CDC42BPG: variants seen among roughly 807,000 people sequenced by gnomAD.
CDC42BPG encodes serine/threonine-protein kinase MRCK gamma.
A neutral mutation model predicts 192.2 loss-of-function variants in CDC42BPG; 157 were observed. That is an observed-to-expected ratio of 0.82 (90% CI 0.72 to 0.93). CDC42BPG has a LOEUF of 0.93. Among genes scored for constraint, CDC42BPG ranks in the 40% least tolerant of loss-of-function variants. The probability of loss-of-function intolerance (pLI) is 0.00; values close to 1 mark genes in which losing one functional copy is unlikely to be tolerated. For synonymous variants in CDC42BPG, 981 were observed against 918.5 expected, an observed-to-expected ratio of 1.07 and a Z score of -1.23; for missense variants, 1,992 against 2,122.1, an observed-to-expected ratio of 0.94 and a Z score of 1.20.
chr11:64,824,346 C>A lies in CDC42BPG; in HGVS notation c.*127G>T. 2 of 789,690 alleles carry A rather than the reference C, an allele frequency of 2.5e-6. No homozygotes were observed. Among genetic ancestry groups the A allele is most frequent in the South Asian group, 2.8e-5 (2 of 72,542 alleles). 48.9% of individuals were successfully genotyped at this position (789,690 alleles called of 1,614,324 possible). A position where few individuals can be genotyped will look rare whatever the true frequency, so the allele number is the denominator to read the frequency against. On this transcript the variant is annotated 3_prime_UTR_variant, in exon 37 of 37. Coordinates refer to ENST00000342711, the MANE Select transcript of CDC42BPG (RefSeq NM_017525.3). ...ACCCAGGCAAGTCTCCCAGTCATTG[C>A]CCAGCCCGGGTCCTCCCTGAGTCCG...
At chr11:64,834,002 GC>G (rs2136305365) in intron 20 of CDC42BPG, 25 bp from the exon 21 acceptor site, 1 of 1,614,150 alleles carries the variant, frequency 6.2e-7, no homozygotes, top group African/African-American at 1.3e-5. Flanking sequence ...TGGGTCACTG[GC>G]CTGGGGTCCC....
In CDC42BPG at chr11:64,838,112, T is replaced by G; in HGVS notation, c.1176A>C (p.Pro392=). The change falls in exon 9 of 37, where the codon CCA becomes CCC. Residue 392 remains proline (P), a synonymous_variant. Transcript: ENST00000342711. ...CTGAGGTGTAGGTGAAGCCCACGAA[T>G]GGCAGGTGATGGCCGGAGAAGGCCC... ...SHGAFSGHHL[P]FVGFTYTSGS... is the part of the protein sequence containing the mutation. The G allele has an allele frequency of 6.4e-7, 1 of 1,553,032 alleles. No individual in the cohort carries two copies. Among genetic ancestry groups the G allele is most frequent in the Non-Finnish European group, 8.7e-7 (1 of 1,148,592 alleles).
rs772562060 is a variant in CDC42BPG at position 64,840,102 on chromosome 11, G to A, written c.581+18C>T. Reference sequence around the variant, plus strand: ...CAGGGCAGCGGGGTTGGGCAGGGCAGCGGGGTTGGGGCCCCACCTGTGGAC... The same window carrying A: ...CAGGGCAGCGGGGTTGGGCAGGGCAACGGGGTTGGGGCCCCACCTGTGGAC... On this transcript the variant is annotated intron_variant, in intron 5 of 36. Coordinates refer to ENST00000342711, the MANE Select transcript of CDC42BPG (RefSeq NM_017525.3). The A allele has an allele frequency of 6.2e-7, 1 of 1,606,068 alleles. No homozygotes were observed. The highest frequency in any genetic ancestry group is 8.5e-7 in the Non-Finnish European group (1 of 1,176,480).
intron 3 of CDC42BPG, among the ~76,000 whole-genome samples, chr11:64,841,014 C>G (rs191452362): frequency 1.3e-5 from 2 of 151,502 alleles, no homozygotes; most frequent in African/African-American, 2.4e-5. Flanking sequence ...AGCTGGGTGT[C>G]GTGGCACACG....
At position 64,833,697 on chromosome 11, in the gene CDC42BPG, G is replaced by A. The variant is rs763357281; in HGVS notation, c.2566-38C>T. The A allele has an allele frequency of 1.9e-6, 3 of 1,613,036 alleles. No homozygotes were observed. The South Asian group carries it at 3.3e-5, about 18-fold the overall frequency. The stretch of plus-strand genomic sequence containing the variant: ...GGGGGAGCAGGTGAGACGGGCAAGG[G>A]CGGGGCCCAGGCCCCCTACGATGGA... On this transcript the variant is annotated intron_variant, in intron 22 of 36. Transcript: ENST00000342711.
intron 1 of CDC42BPG, among the ~76,000 whole-genome samples, chr11:64,842,232 G>A (rs1338191928): frequency 6.6e-6 from 1 of 152,148 alleles, no homozygotes; most frequent in Non-Finnish European, 1.5e-5. Flanking sequence ...GCTTGGCCAG[G>A]TCACCCTGGG....
rs1378459088 is a variant in CDC42BPG, at chr11:64,826,812, G to A, written c.4390-18C>T. ...TCGGGAGCCTGTTGGGTGACAGTGC[G>A]GAGGGGCTGGGACTAGCAGGCACAA... On this transcript the variant is annotated intron_variant, in intron 34 of 36. Coordinates refer to ENST00000342711, the MANE Select transcript of CDC42BPG (RefSeq NM_017525.3). 1.3e-6 allele frequency: 2 copies of A among 1,481,638 alleles called. No individual in the cohort carries two copies. The highest frequency in any genetic ancestry group is 1.4e-5 in the African/African-American group (1 of 71,090). The allele number at this position is 1,481,638 out of a possible 1,614,324, so 91.8% of individuals were successfully genotyped here.
At chr11:64,837,146 C>T in intron 9 of CDC42BPG, 127 bp from the exon 10 acceptor site, 1 of 804,190 alleles carries the variant, frequency 1.2e-6, no homozygotes, top group Admixed American at 2.2e-5. Context: ...CGGGAGACCC[C>T]AGACTGGTGC....
At chr11:64,836,876 C>G in intron 10 of CDC42BPG, 46 bp downstream of exon 10, 1 of 1,609,746 alleles carries the variant, frequency 6.2e-7, no homozygotes, top group Non-Finnish European at 8.5e-7. Flanking sequence ...GCAGCAGCAG[C>G]CCCTAGGGCC....
chr11:64,826,164 C>T (rs1299107978), intron 36 of CDC42BPG, among the ~76,000 whole-genome samples: 1 of 152,078 alleles, frequency 6.6e-6, no homozygotes, highest in Non-Finnish European at 1.5e-5. Context: ...ATCATCAGCT[C>T]ATGCAGGCCT....
At chr11:64,842,244 A>T (rs759018596) in intron 1 of CDC42BPG, among the ~76,000 whole-genome samples, 2 of 152,168 alleles carry the variant, frequency 1.3e-5, no homozygotes, top group Non-Finnish European at 2.9e-5. Context: ...CACCCTGGGG[A>T]CCATGGGGAC....
rs1323385061 is a variant in CDC42BPG, at chr11:64,833,137, G to A, written c.2731+94C>T. The A allele has an allele frequency of 3.6e-5, 45 of 1,251,806 alleles. No individual in the cohort carries two copies. In the Middle Eastern group the frequency reaches 7.6e-4, roughly 21 times the overall value. The allele number at this position is 1,251,806 out of a possible 1,614,324, so 77.5% of individuals were successfully genotyped here. ...GAGCAGGAGGAAATTTGACCAGCAG[G>A]TGCCAGTGACCCTGGGATGGGAGAA... is the stretch of plus-strand genomic sequence containing the variant. On this transcript the variant is annotated intron_variant, in intron 24 of 36. Coordinates refer to ENST00000342711, the MANE Select transcript of CDC42BPG (RefSeq NM_017525.3).
rs1464584076 is a variant in CDC42BPG, at chr11:64,834,464, C to T, written c.2289G>A (p.Leu763=). ...IRAKQGLQER[L]TQVQEAQLQA... ...GCAGCTGGGCCTCCTGCACCTGTGT[C>T]AGCCGCTCCTGCAGGCCCTGCTTGG... is the stretch of plus-strand genomic sequence containing the variant. Residue 763 remains leucine, a synonymous_variant, in exon 19 of 37, where the codon CTG becomes CTA. Coordinates refer to ENST00000342711, the MANE Select transcript of CDC42BPG (RefSeq NM_017525.3). The T allele has an allele frequency of 9.6e-6, 15 of 1,569,696 alleles. No homozygotes were observed. Among genetic ancestry groups the T allele is most frequent in the Admixed American group, 1.8e-5 (1 of 56,542 alleles).
intron 3 of CDC42BPG, 24 bp from the exon 4 acceptor site, chr11:64,840,672 G>A (rs1214970994): frequency 1.2e-6 from 2 of 1,608,460 alleles, no homozygotes; most frequent in Non-Finnish European, 1.7e-6. Context: ...GGGGAAGTAA[G>A]GGGTGGGGTG....
At chr11:64,833,709 C>A in intron 22 of CDC42BPG, 29 bp downstream of exon 22, 1 of 1,613,444 alleles carries the variant, frequency 6.2e-7, no homozygotes, top group Non-Finnish European at 8.5e-7. Flanking sequence ...GGGGCCCAGG[C>A]CCCCTACGAT....
rs868486993 is a variant in CDC42BPG at position 64,836,718 on chromosome 11, G to C, written c.1384+21C>G. On this transcript the variant is annotated intron_variant, in intron 11 of 36. Coordinates refer to ENST00000342711, the MANE Select transcript of CDC42BPG (RefSeq NM_017525.3). ...TGGGACTCAGCCCTGGGGGGGGGGG[G>C]GGGGTGGGCGGAAGGGATACCTGGC... 104 of 849,620 alleles carry C rather than the reference G, an allele frequency of 1.2e-4. 15 individuals are homozygous for C. The highest frequency in any genetic ancestry group is 6.3e-4 in the African/African-American group (32 of 51,082). The allele number at this position is 849,620 out of a possible 1,614,324, so 52.6% of individuals were successfully genotyped here.
chr11:64,833,270 G>T lies in CDC42BPG; in HGVS notation c.2692C>A (p.Leu898Met). Residue 898 changes from leucine to methionine, a missense_variant, in exon 24 of 37, where the codon CTG (leucine) becomes ATG (methionine). Leu to Met is a conservative substitution (Grantham distance 15). This residue lies in a region of CDC42BPG where 1,656 missense variants were observed against 1,844.3 expected (regional missense o/e 0.90). Coordinates refer to ENST00000342711, the MANE Select transcript of CDC42BPG (RefSeq NM_017525.3). ...SPTKCLRCTS[L>M]MLGLGRQGLG... ...CCCTGGCGGCCCAGGCCCAGCATCA[G>T]CGAGGTGCAGCGGAGACACTTGGTC... is the stretch of plus-strand genomic sequence containing the variant. The T allele has an allele frequency of 6.5e-7, 1 of 1,548,504 alleles. No individual in the cohort carries two copies. Among genetic ancestry groups the T allele is most frequent in the Non-Finnish European group, 8.7e-7 (1 of 1,146,574 alleles).
In CDC42BPG at chr11:64,835,115, C is replaced by A. The variant is rs762153283; in HGVS notation, c.1992G>T (p.Gln664His). The change falls in exon 17 of 37, where the codon CAG becomes CAT. Residue 664 changes from glutamine to histidine, a missense_variant. Around this residue, in one of 2 missense-constraint regions of CDC42BPG, gnomAD observed 1,656 missense variants for 1,844.3 expected, o/e 0.90. Transcript: ENST00000342711. ...AELAQEQESK[Q>H]RLEGERRETE... ...TCTCCCGCCGCTCACCCTCCAGCCG[C>A]TGCTTGCTCTCCTGCTCCTGGGCCA... is the stretch of plus-strand genomic sequence containing the variant. The A allele has an allele frequency of 1.2e-6, 2 of 1,602,274 alleles. No homozygotes were observed. The highest frequency in any genetic ancestry group is 2.2e-5 in the South Asian group (2 of 91,068).
At position 64,826,458 on chromosome 11, in the gene CDC42BPG, G is replaced by A. The variant is rs1942419891; in HGVS notation, c.4599+12C>T. The A allele has an allele frequency of 1.3e-6, 2 of 1,578,956 alleles. No homozygotes were observed. The highest frequency in any genetic ancestry group is 1.2e-5 in the South Asian group (1 of 86,606). ...TGAATAGGGGACGGACAAGCCTCCC[G>A]GACCCGCTCACCTGCATTAGGGAGG... On this transcript the variant is annotated intron_variant, in intron 36 of 36. Coordinates refer to ENST00000342711, the MANE Select transcript of CDC42BPG (RefSeq NM_017525.3).
Sources: gnomAD v4.1 joint callset for allele counts (sites outside exome capture counted in the v4.1 genomes callset) on GRCh38, gnomAD v4.1.1 for gene constraint, gnomAD v4.1.1 regional missense constraint, MANE v1.5 for transcripts, NCBI Gene and HGNC (gene_info 2026-07-23, HGNC 2026-07-21) for gene names.